LYPLAL1: variants seen among roughly 807,000 people sequenced by gnomAD.
The protein encoded by LYPLAL1 is lysophospholipase like 1.
In LYPLAL1, 23 loss-of-function variants were observed where a neutral mutation model predicts 19.7. The observed-to-expected ratio is 1.17, with a 90% CI of 0.84 to 1.65. The LOEUF (loss-of-function observed/expected upper bound fraction) is 1.65. Among genes scored for constraint, LYPLAL1 ranks in the 40% most tolerant of loss-of-function variants. LYPLAL1 has a pLI of 0.00. For synonymous variants in LYPLAL1, 119 were observed against 96.3 expected (o/e 1.24, Z -1.38); for missense variants, 355 against 279.4 (o/e 1.27, Z -1.93).
chr1:219,213,597 C>T (rs1023378374), downstream of LYPLAL1, among the ~76,000 whole-genome samples: 1 of 151,850 alleles, frequency 6.6e-6, no homozygotes, highest in Non-Finnish European at 1.5e-5. Flanking sequence ...CTTTTATCAG[C>T]GTTTTTGAGG....
chr1:219,297,146 T>C, the LYPLAL1 span, among the ~76,000 whole-genome samples: 4 of 152,214 alleles, frequency 2.6e-5, no homozygotes, highest in Non-Finnish European at 4.4e-5. Context: ...ACCTTAGGAA[T>C]GAGCTCACAA....
At chr1:219,263,669 C>T in the LYPLAL1 span, among the ~76,000 whole-genome samples, 2 of 152,228 alleles carry the variant, frequency 1.3e-5, no homozygotes, top group Admixed American at 6.5e-5. Context: ...GGATGGCTTC[C>T]CTGGGCTTGA....
chr1:219,271,996 GA>G, the LYPLAL1 span: 1 of 152,246 alleles, frequency 6.6e-6, no homozygotes, highest in African/African-American at 2.4e-5. Context: ...CAGCAAATGA[GA>G]AAAGTCTGCC....
chr1:219,419,918 T>C, the LYPLAL1 span, among the ~76,000 whole-genome samples: 1 of 152,216 alleles, frequency 6.6e-6, no homozygotes, highest in Non-Finnish European at 1.5e-5. Flanking sequence ...GTTCTTAATT[T>C]CTATGCTAAA....
chr1:219,393,029 A>G, the LYPLAL1 span, among the ~76,000 whole-genome samples: 1 of 152,242 alleles, frequency 6.6e-6, no homozygotes, highest in Non-Finnish European at 1.5e-5. Context: ...TTTCTCTGCT[A>G]GATATTTTAA....
the LYPLAL1 span, among the ~76,000 whole-genome samples, chr1:219,372,987 A>G: frequency 6.6e-6 from 1 of 152,206 alleles, no homozygotes; most frequent in Non-Finnish European, 1.5e-5. Context: ...GATCACTAAG[A>G]ATTTGTAAGC....
At chr1:219,353,854 A>C in the LYPLAL1 span, among the ~76,000 whole-genome samples, 2 of 152,204 alleles carry the variant, frequency 1.3e-5, no homozygotes, top group Non-Finnish European at 2.9e-5. Context: ...TTAACAAACA[A>C]AAACTTGAAA....
chr1:219,180,459 T>C (rs1316368839), intron 2 of LYPLAL1, among the ~76,000 whole-genome samples: 1 of 152,104 alleles, frequency 6.6e-6, no homozygotes, highest in African/African-American at 2.4e-5. Flanking sequence ...AAAATGATAA[T>C]GTAAGACTGA....
the LYPLAL1 span, among the ~76,000 whole-genome samples, chr1:219,392,157 T>G: frequency 6.6e-6 from 1 of 152,132 alleles, no homozygotes; most frequent in South Asian, 2.1e-4. Flanking sequence ...AGTAGGTTCC[T>G]CTCAGGTCAG....
In LYPLAL1 at chr1:219,179,206, T is replaced by G; in HGVS notation, c.151T>G (p.Phe51Val). 1 of 1,612,728 alleles carries G rather than the reference T, an allele frequency of 6.2e-7. No individual in the cohort carries two copies. The highest frequency in any genetic ancestry group is 1.1e-5 in the South Asian group (1 of 90,904). The change falls in exon 2 of 5, where the codon TTC becomes GTC. Residue 51 changes from phenylalanine to valine, a missense_variant. Physicochemically the swap from Phe to Val is conservative, Grantham distance 50. Coordinates refer to ENST00000366928, the MANE Select transcript of LYPLAL1 (RefSeq NM_138794.5). ...IKQVLNQDLTFQHIKIIYPTA... is the reference protein window; with the variant it reads ...IKQVLNQDLTVQHIKIIYPTA... ...GCAGGTTTTAAATCAAGATTTAACA[T>G]TCCAACACATAAAAATTATTTATCC...
chr1:219,362,878 G>A, the LYPLAL1 span, among the ~76,000 whole-genome samples: 1 of 151,902 alleles, frequency 6.6e-6, no homozygotes, highest in Non-Finnish European at 1.5e-5. Context: ...CTAGACTCAG[G>A]AAAATTTATT....
chr1:219,281,143 A>G, the LYPLAL1 span, among the ~76,000 whole-genome samples: 1 of 152,228 alleles, frequency 6.6e-6, no homozygotes, highest in Non-Finnish European at 1.5e-5. Flanking sequence ...ACATTCCATT[A>G]TGTTCCCCTG....
At chr1:219,358,276 C>G in the LYPLAL1 span, among the ~76,000 whole-genome samples, 1 of 152,116 alleles carries the variant, frequency 6.6e-6, no homozygotes, top group Non-Finnish European at 1.5e-5. Flanking sequence ...AAGTTGCTGA[C>G]TAAGTAACTT....
chr1:219,274,187 T>A, the LYPLAL1 span, among the ~76,000 whole-genome samples: 2 of 152,134 alleles, frequency 1.3e-5, no homozygotes, highest in South Asian at 2.1e-4. Flanking sequence ...TGAAGTGGGA[T>A]AGTGGAGTCA....
At chr1:219,404,655 G>T in the LYPLAL1 span, among the ~76,000 whole-genome samples, 13 of 152,280 alleles carry the variant, frequency 8.5e-5, no homozygotes, top group Non-Finnish European at 1.5e-4. Flanking sequence ...GTTGGTTCAT[G>T]GGTTCAAAAA....
At chr1:219,433,766 T>A in the LYPLAL1 span, among the ~76,000 whole-genome samples, 1 of 152,256 alleles carries the variant, frequency 6.6e-6, no homozygotes, top group Non-Finnish European at 1.5e-5. Context: ...TTCCAGCCCT[T>A]CTATTTTGTA....
the LYPLAL1 span, among the ~76,000 whole-genome samples, chr1:219,305,439 G>A: frequency 1.3e-5 from 2 of 152,068 alleles, no homozygotes; most frequent in African/African-American, 2.4e-5. Flanking sequence ...AAAAACAGCC[G>A]AAGATGCCTC....
chr1:219,420,517 T>A, the LYPLAL1 span, among the ~76,000 whole-genome samples: 1 of 152,212 alleles, frequency 6.6e-6, no homozygotes, highest in African/African-American at 2.4e-5. Context: ...CTCATTCCCC[T>A]TAATTTTGTA....
At chr1:219,306,849 T>C in the LYPLAL1 span, among the ~76,000 whole-genome samples, 15,621 of 135,096 alleles carry the variant, frequency 0.12, 1,033 homozygotes, top group African/African-American at 0.18. Flanking sequence ...GATAGATAGA[T>C]AGACAGACAG....
Sources: allele counts gnomAD v4.1 joint callset (sites outside exome capture counted in the v4.1 genomes callset), GRCh38; gene constraint gnomAD v4.1.1; transcripts MANE v1.5; gene names NCBI Gene and HGNC (gene_info 2026-07-23, HGNC 2026-07-21).